GTF2I: variants seen among roughly 807,000 people sequenced by gnomAD.
GTF2I encodes general transcription factor II-I.
In GTF2I, 12 loss-of-function variants were observed where a neutral mutation model predicts 67.6. The observed-to-expected ratio is 0.18, with a 90% CI of 0.11 to 0.29. GTF2I has a LOEUF of 0.29. Ranked by LOEUF, GTF2I falls within the 10% of genes least tolerant of loss-of-function variation. The pLI is 1.00. For missense variants in GTF2I, 271 were observed against 580.1 expected, an observed-to-expected ratio of 0.47 and a Z score of 5.47; for synonymous variants, 149 against 197.0, an observed-to-expected ratio of 0.76 and a Z score of 2.04.
At chr7:74,693,091 T>G (rs1262065561) in intron 3 of GTF2I, among the ~76,000 whole-genome samples, 8 of 151,902 alleles carry the variant, frequency 5.3e-5, no homozygotes, top group Non-Finnish European at 8.8e-5. Flanking sequence ...TTTTTGTGCC[T>G]TGCAGACACT....
chr7:74,750,003 C>A (rs1207677323), intron 26 of GTF2I, among the ~76,000 whole-genome samples: 1 of 134,894 alleles, frequency 7.4e-6, no homozygotes, highest in African/African-American at 2.6e-5. Context: ...TAAATCTACA[C>A]AGCTATGTTG....
In GTF2I at chr7:74,699,049, T is replaced by A; in HGVS notation, c.327T>A (p.Ile109=). 1 of 1,549,526 alleles carries A rather than the reference T, an allele frequency of 6.5e-7. No homozygotes were observed. The highest frequency in any genetic ancestry group is 8.7e-7 in the Non-Finnish European group (1 of 1,144,306). The change falls in exon 4 of 35, where the codon ATT becomes ATA. Residue 109 remains isoleucine (I), a synonymous_variant. Transcript: ENST00000573035. The stretch of plus-strand genomic sequence containing the variant: ...GGATGAGTGTAGATGCTGTAGAAAT[T>A]GAAACACTCAGAAAAACAGTTGAGG... ...ANRMSVDAVE[I]ETLRKTVEDY...
At chr7:74,693,018 TC>T (rs1479667323) in intron 3 of GTF2I, among the ~76,000 whole-genome samples, 3 of 152,092 alleles carry the variant, frequency 2.0e-5, no homozygotes, top group Admixed American at 1.3e-4. Flanking sequence ...CGCCTCGGCC[TC>T]CCAAAGTGCT....
intron 12 of GTF2I, among the ~76,000 whole-genome samples, chr7:74,722,011 A>G (rs1434792407): frequency 6.6e-6 from 1 of 152,058 alleles, no homozygotes; most frequent in Non-Finnish European, 1.5e-5. Flanking sequence ...AGACGACTTA[A>G]TTTTCTCCTT....
intron 1 of GTF2I, among the ~76,000 whole-genome samples, chr7:74,658,826 C>T (rs143971987): frequency 1.0e-3 from 152 of 152,158 alleles, no homozygotes; most frequent in Admixed American, 1.8e-3. Flanking sequence ...AAAATTAAGC[C>T]GTCTGGGTTC....
intron 6 of GTF2I, 76 bp from the exon 7 acceptor site, chr7:74,705,088 C>A (rs1554400964): frequency 2.3e-6 from 2 of 888,024 alleles, no homozygotes; most frequent in South Asian, 1.3e-5. Context: ...CCCACTAATT[C>A]TATATTTAAA....
chr7:74,723,428 C>CTTTTTTTTTTTTTTTTT lies in GTF2I; in HGVS notation c.943+4491_943+4507dup, dbSNP rs58149301. Among the ~76,000 whole-genome samples the CTTTTTTTTTTTTTTTTT allele has an allele frequency of 3.7e-3, 226 of 61,060 alleles. 54 individuals carry two copies. Among genetic ancestry groups the CTTTTTTTTTTTTTTTTT allele is most frequent in the African/African-American group, 7.2e-3 (87 of 12,112 alleles). The allele number at this position is 61,060 out of a possible 152,430, so 40.1% of individuals were successfully genotyped here. A position where few individuals can be genotyped will look rare whatever the true frequency, so the allele number is the denominator to read the frequency against. ...AGGCATAAGCCACCGCTCCCGGCCTCTTTTTTTTTTTTTTTTTTTTAAGAC... is the reference window on the plus strand; with the variant it reads ...AGGCATAAGCCACCGCTCCCGGCCTCTTTTTTTTTTTTTTTTTTTTTTTTTTTTTTTTTTTTTAAGAC... On this transcript the variant is annotated intron_variant, in intron 12 of 34. Transcript: ENST00000573035.
intron 14 of GTF2I, among the ~76,000 whole-genome samples, chr7:74,731,052 T>C (rs1794433481): frequency 6.6e-6 from 1 of 150,820 alleles, no homozygotes; most frequent in Non-Finnish European, 1.5e-5. Flanking sequence ...TAGATTTCAA[T>C]TCCTTCTTTG....
At chr7:74,712,457 T>C (rs587607482) in intron 9 of GTF2I, among the ~76,000 whole-genome samples, 1 of 151,230 alleles carries the variant, frequency 6.6e-6, no homozygotes, top group South Asian at 2.1e-4. Context: ...CTGATGGTGA[T>C]GTGCTTTACT....
chr7:74,696,729 A>G (rs1465296252), intron 3 of GTF2I, among the ~76,000 whole-genome samples: 1 of 152,070 alleles, frequency 6.6e-6, no homozygotes, highest in Non-Finnish European at 1.5e-5. Context: ...TCCTGACCTC[A>G]GGCGATCTGC....
intron 3 of GTF2I, among the ~76,000 whole-genome samples, chr7:74,697,734 T>G (rs782354135): frequency 1.3e-5 from 2 of 152,176 alleles, no homozygotes; most frequent in Non-Finnish European, 2.9e-5. Context: ...GATTTTTATT[T>G]GAAAAGTTCC....
At chr7:74,680,099 A>AAAAAAAAAAAATATATATATATATAT in intron 1 of GTF2I, among the ~76,000 whole-genome samples, 1 of 95,000 alleles carries the variant, frequency 1.1e-5, no homozygotes, top group African/African-American at 4.0e-5. Flanking sequence ...AAAAAAAAAA[A>AAAAAAAAAAAATATATATATATATAT]ATATATATAT....
intron 12 of GTF2I, among the ~76,000 whole-genome samples, chr7:74,725,881 C>T (rs1188853348): frequency 8.0e-5 from 12 of 150,074 alleles, no homozygotes; most frequent in East Asian, 1.9e-4. Flanking sequence ...ATTGGGTTAC[C>T]TTCATAAAAT....
At chr7:74,737,358 A>G (rs1794890386) in intron 18 of GTF2I, among the ~76,000 whole-genome samples, 1 of 144,368 alleles carries the variant, frequency 6.9e-6, no homozygotes, top group Non-Finnish European at 1.5e-5. Context: ...GAGGTGGCAA[A>G]TATGCCTGCG....
chr7:74,726,944 A>ATAG (rs56227550), intron 12 of GTF2I: 1 of 140,796 alleles, frequency 7.1e-6, no homozygotes, highest in East Asian at 1.9e-4. Flanking sequence ...AGATAGATAG[A>ATAG]AAGAATGAGA....
chr7:74,684,718 C>T (rs1380591157), intron 1 of GTF2I: 2 of 152,278 alleles, frequency 1.3e-5, no homozygotes, highest in Non-Finnish European at 2.9e-5. Context: ...GCTTTCCATC[C>T]TGCAGGGCTC....
chr7:74,719,266 A>G (rs1792638381), intron 12 of GTF2I, among the ~76,000 whole-genome samples: 1 of 152,248 alleles, frequency 6.6e-6, no homozygotes, highest in African/African-American at 2.4e-5. Flanking sequence ...GTGATAGAAG[A>G]AGACTTATTT....
chr7:74,663,531 TCCA>T (rs1241949412), intron 1 of GTF2I, among the ~76,000 whole-genome samples: 1 of 152,176 alleles, frequency 6.6e-6, no homozygotes, highest in African/African-American at 2.4e-5. Flanking sequence ...CCTCAAGTGA[TCCA>T]CCCACCTCGG....
intron 1 of GTF2I, chr7:74,688,845 T>C (rs1787982256): frequency 2.8e-6 from 1 of 357,716 alleles, no homozygotes; most frequent in East Asian, 5.8e-5. Context: ...TTGTTCTTAC[T>C]TGGGAGAAAT....
Sources: gnomAD v4.1 joint callset for allele counts (sites outside exome capture counted in the v4.1 genomes callset) on GRCh38, gnomAD v4.1.1 for gene constraint, MANE v1.5 for transcripts, NCBI Gene and HGNC (gene_info 2026-07-23, HGNC 2026-07-21) for gene names.